SAMMSON: variants seen among roughly 807,000 people sequenced by gnomAD.
SAMMSON encodes the protein long intergenic non-protein coding RNA 1212.
chr3:70,159,805 C>T (rs1049246049), intron 4 of SAMMSON, among the ~76,000 whole-genome samples: 3 of 152,032 alleles, frequency 2.0e-5, no homozygotes, highest in Non-Finnish European at 4.4e-5. Context: ...GATCTTCCTG[C>T]CTCGGCCTCC....
chr3:70,290,875 C>T (rs574902504), intron 6 of SAMMSON, among the ~76,000 whole-genome samples: 2 of 152,318 alleles, frequency 1.3e-5, no homozygotes, highest in South Asian at 4.1e-4. Context: ...CTCGCTGACC[C>T]CTTGCGCTTC....
chr3:70,245,444 G>C (rs1342096405), intron 4 of SAMMSON, among the ~76,000 whole-genome samples: 1 of 151,340 alleles, frequency 6.6e-6, no homozygotes, highest in Non-Finnish European at 1.5e-5. Context: ...ACTTGACTTT[G>C]AATATGATTA....
At chr3:70,206,710 T>C (rs1701294323) in intron 4 of SAMMSON, 1 of 397,772 alleles carries the variant, frequency 2.5e-6, no homozygotes, top group African/African-American at 2.1e-5. Context: ...CCATCTGTGA[T>C]ATTGAAGTCA....
intron 7 of SAMMSON, among the ~76,000 whole-genome samples, chr3:70,307,724 G>A (rs1702415796): frequency 6.6e-6 from 1 of 152,026 alleles, no homozygotes; most frequent in Non-Finnish European, 1.5e-5. Context: ...ATATTTACAG[G>A]CTCATATCAC....
rs553462402 is a variant in SAMMSON at position 70,193,583 on chromosome 3, C to T, written n.508-55524C>T. ...ACTCTATTCACTTTGCCTTTCTACA[C>T]AGCTCACCTGACGATACATGTGGCA... On this transcript the variant is annotated intron_variant and non_coding_transcript_variant, in intron 4 of 9. Coordinates refer to ENST00000642114, the Ensembl canonical transcript of SAMMSON. Among the ~76,000 whole-genome samples the T allele has an allele frequency of 2.5e-4, 38 of 152,306 alleles. No homozygotes were observed. The South Asian group carries it at 7.9e-3, about 32-fold the overall frequency.
Position 70,365,970 on chromosome 3 carries a change from C to CTTTTTTTTTT in SAMMSON, n.913+7668_913+7677dup, listed in dbSNP as rs1193657961. 1.4e-4 allele frequency among the ~76,000 whole-genome samples: 4 copies of CTTTTTTTTTT among 27,766 alleles called. 2 individuals are homozygous for CTTTTTTTTTT. The highest frequency in any genetic ancestry group is 2.4e-3 in the South Asian group (2 of 844). The allele number at this position is 27,766 out of a possible 152,430, so 18.2% of individuals were successfully genotyped here. A position where few individuals can be genotyped will look rare whatever the true frequency, so the allele number is the denominator to read the frequency against. On this transcript the variant is annotated intron_variant and non_coding_transcript_variant, in intron 9 of 9. Transcript: ENST00000642114. ...AAAAATTGTTTGTGCTTTACCTTTT[C>CTTTTTTTTTT]TTTTTTTTTTTTTTTTTTTTTTTTT...
At chr3:70,308,171 C>T (rs1702420552) in intron 7 of SAMMSON, among the ~76,000 whole-genome samples, 1 of 152,162 alleles carries the variant, frequency 6.6e-6, no homozygotes, top group South Asian at 2.1e-4. Context: ...TGGCCTCAGT[C>T]TGTCTAGTAG....
chr3:70,340,066 A>G (rs1035871287), intron 7 of SAMMSON, among the ~76,000 whole-genome samples: 8 of 152,078 alleles, frequency 5.3e-5, no homozygotes, highest in African/African-American at 1.9e-4. Flanking sequence ...ATGGAATACT[A>G]TGCAGCCATA....
At chr3:70,395,162 G>A (rs995453719) in intron 2 of SAMMSON, among the ~76,000 whole-genome samples, 6 of 152,060 alleles carry the variant, frequency 3.9e-5, no homozygotes, top group Non-Finnish European at 7.4e-5. Context: ...TGGGGAATGA[G>A]ACGCCCTGGT....
intron 9 of SAMMSON, among the ~76,000 whole-genome samples, chr3:70,370,046 T>C (rs1444773268): frequency 6.6e-6 from 1 of 151,824 alleles, no homozygotes; most frequent in Admixed American, 6.6e-5. Context: ...TTCTAGCCCC[T>C]ACGTATGAGT....
intron 7 of SAMMSON, among the ~76,000 whole-genome samples, chr3:70,337,092 T>C (rs1702669334): frequency 2.4e-5 from 1 of 41,038 alleles, no homozygotes; most frequent in Non-Finnish European, 6.0e-5. Flanking sequence ...TTCTTATTAA[T>C]AATAATATCT....
intron 6 of SAMMSON, among the ~76,000 whole-genome samples, chr3:70,269,685 A>G (rs1170390860): frequency 6.6e-6 from 1 of 152,184 alleles, no homozygotes; most frequent in East Asian, 1.9e-4. Context: ...TGTACTAGCT[A>G]TATTTAATAT....
chr3:70,199,594 A>G (rs1701215931), intron 4 of SAMMSON, among the ~76,000 whole-genome samples: 1 of 152,162 alleles, frequency 6.6e-6, no homozygotes, highest in Non-Finnish European at 1.5e-5. Context: ...TGAGTTCCAC[A>G]CTTTTCCTAA....
At chr3:70,029,503 T>C (rs954487486) in intron 3 of SAMMSON, among the ~76,000 whole-genome samples, 1 of 152,120 alleles carries the variant, frequency 6.6e-6, no homozygotes, top group African/African-American at 2.4e-5. Flanking sequence ...CCTGTAATGC[T>C]CCCAGTTTGG....
intron 7 of SAMMSON, among the ~76,000 whole-genome samples, chr3:70,323,243 C>T (rs1199757408): frequency 2.0e-5 from 3 of 151,970 alleles, no homozygotes; most frequent in South Asian, 2.1e-4. Flanking sequence ...AAAATTAATC[C>T]GAGATTTTTT....
At chr3:70,198,456 A>C (rs776293051) in intron 4 of SAMMSON, among the ~76,000 whole-genome samples, 4 of 152,356 alleles carry the variant, frequency 2.6e-5, no homozygotes, top group Middle Eastern at 3.4e-3. Context: ...AAGTGAAAGA[A>C]AAATATGGAA....
intron 4 of SAMMSON, among the ~76,000 whole-genome samples, chr3:70,233,010 G>A (rs1021677346): frequency 2.6e-5 from 4 of 152,162 alleles, no homozygotes; most frequent in Admixed American, 2.6e-4. Flanking sequence ...TTATCATGGT[G>A]AAATACAGTC....
intron 3 of SAMMSON, chr3:70,068,443 C>T (rs1327475481): frequency 6.6e-6 from 1 of 152,076 alleles, no homozygotes; most frequent in South Asian, 2.1e-4. Context: ...TAGCTTAAGA[C>T]CTGATCCACT....
At chr3:70,001,400 C>A (rs887407797) in intron 1 of SAMMSON, among the ~76,000 whole-genome samples, 3 of 150,914 alleles carry the variant, frequency 2.0e-5, no homozygotes, top group Non-Finnish European at 4.4e-5. Flanking sequence ...CACTTCTTGC[C>A]CTCATGGAAC....
Sources: allele counts gnomAD v4.1 joint callset (sites outside exome capture counted in the v4.1 genomes callset), GRCh38; gene constraint gnomAD v4.1.1; transcripts MANE v1.5; gene names NCBI Gene and HGNC (gene_info 2026-07-23, HGNC 2026-07-21).